CAPN3: variants seen among roughly 807,000 people sequenced by gnomAD.
The protein encoded by CAPN3 is calpain 3.
Under a neutral mutation model 114.0 loss-of-function variants are expected in CAPN3, and 88 were observed. The ratio of observed to expected loss-of-function variants is 0.77; its 90% CI spans 0.65 to 0.92. The LOEUF is 0.92. Ranked by LOEUF, CAPN3 falls within the 40% of genes least tolerant of loss-of-function variation. The pLI is 0.00. For synonymous variants in CAPN3, 386 were observed against 382.9 expected (o/e 1.01, Z -0.09); for missense variants, 1,028 against 1,069.0 (o/e 0.96, Z 0.53).
intron 1 of CAPN3, among the ~76,000 whole-genome samples, chr15:42,381,685 A>G (rs935316268): frequency 5.3e-5 from 8 of 152,212 alleles, no homozygotes; most frequent in African/African-American, 1.9e-4. Context: ...GACTACAGGC[A>G]TGAGCCACCA....
intron 9 of CAPN3, 97 bp from the exon 10 acceptor site, chr15:42,399,395 C>A: frequency 1.0e-6 from 1 of 982,788 alleles, no homozygotes. Context: ...TTCCTGTGAA[C>A]TATTTTATTA....
chr15:42,360,822 C>G (rs1379656467), intron 1 of CAPN3, among the ~76,000 whole-genome samples: 2 of 152,188 alleles, frequency 1.3e-5, no homozygotes, highest in East Asian at 3.9e-4. Flanking sequence ...TTACAGTGAT[C>G]GCCAGGAGGG....
intron 10 of CAPN3, among the ~76,000 whole-genome samples, 167 bp from the exon 11 acceptor site, chr15:42,401,474 C>CT (rs375008012): frequency 2.7e-4 from 5 of 18,752 alleles, no homozygotes; most frequent in Non-Finnish European, 4.5e-4. Flanking sequence ...AAAGGTAGCG[C>CT]CCCCCCCCCC....
At chr15:42,405,346 T>C (rs189276797) in intron 14 of CAPN3, among the ~76,000 whole-genome samples, 1 of 152,284 alleles carries the variant, frequency 6.6e-6, no homozygotes, top group African/African-American at 2.4e-5. Flanking sequence ...GTTTCACTCT[T>C]GTCACCCAGG....
In CAPN3 at chr15:42,390,016, C is replaced by A. The variant is rs528417986; in HGVS notation, c.865C>A (p.Arg289=). ...SGLNMGELIA[R]MVRNMDNSLL... is the part of the protein sequence containing the mutation. ...TCTGAACATGGGGGAGTTGATTGCA[C>A]GGATGGTAAGGAATATGGATAACTC... The change falls in exon 6 of 24, where the codon CGG becomes AGG. Residue 289 remains arginine (R), a synonymous_variant. Coordinates refer to ENST00000397163, the MANE Select transcript of CAPN3 (RefSeq NM_000070.3). The A allele has an allele frequency of 6.2e-7, 1 of 1,614,050 alleles. No individual in the cohort carries two copies. Among genetic ancestry groups the A allele is most frequent in the Non-Finnish European group, 8.5e-7 (1 of 1,179,974 alleles).
At chr15:42,366,408 C>T (rs374189002) in intron 1 of CAPN3, among the ~76,000 whole-genome samples, 2 of 152,178 alleles carry the variant, frequency 1.3e-5, no homozygotes, top group South Asian at 2.1e-4. Flanking sequence ...CCAACTTCTT[C>T]CTTGTGCCAG....
Position 42,409,924 on chromosome 15 carries a change from C to A in CAPN3, c.2051-7C>A, listed in dbSNP as rs780969056. 1 of 1,612,590 alleles carries A rather than the reference C, an allele frequency of 6.2e-7. No homozygotes were observed. The highest frequency in any genetic ancestry group is 8.5e-7 in the Non-Finnish European group (1 of 1,179,780). The stretch of plus-strand genomic sequence containing the variant: ...AAGCAGCTCCTCACTCTTCTCCATC[C>A]CCCCAGACAAGGACCTGAAGACACA... On this transcript the variant is annotated splice_region_variant and splice_polypyrimidine_tract_variant and intron_variant, in intron 18 of 23. Transcript: ENST00000397163.
chr15:42,402,183 G>T, intron 12 of CAPN3, 48 bp downstream of exon 12: 1 of 1,613,654 alleles, frequency 6.2e-7, no homozygotes, highest in Non-Finnish European at 8.5e-7. Context: ...CTACCCAGGG[G>T]GCCCCGAGTC....
At chr15:42,402,721 T>C in intron 12 of CAPN3, 73 bp from the exon 13 acceptor site, 1 of 1,584,998 alleles carries the variant, frequency 6.3e-7, no homozygotes, top group Admixed American at 1.7e-5. Context: ...AAGGGACCCT[T>C]GGAGGTGGCT....
intron 4 of CAPN3, 32 bp from the exon 5 acceptor site, chr15:42,388,896 G>C: frequency 6.2e-7 from 1 of 1,611,054 alleles, no homozygotes; most frequent in East Asian, 2.2e-5. Context: ...GGAACTCTGT[G>C]ACCCCAAATT....
At chr15:42,385,339 A>G (rs2053365081) in intron 2 of CAPN3, among the ~76,000 whole-genome samples, 1 of 152,064 alleles carries the variant, frequency 6.6e-6, no homozygotes. Flanking sequence ...GGGCATAATA[A>G]TCTGGGACCT....
chr15:42,408,826 C>A (rs2054105703), intron 16 of CAPN3: 1 of 281,506 alleles, frequency 3.6e-6, no homozygotes, highest in Non-Finnish European at 6.9e-6. Context: ...CCTCTTCTAT[C>A]CGGGGGCCCC....
At chr15:42,407,029 C>T (rs1272032858) in intron 15 of CAPN3, among the ~76,000 whole-genome samples, 1 of 152,178 alleles carries the variant, frequency 6.6e-6, no homozygotes, top group African/African-American at 2.4e-5. Context: ...CCGAGAGGCT[C>T]TGCCTGCCCA....
intron 3 of CAPN3, 106 bp downstream of exon 3, chr15:42,386,391 CCGCAG>C (rs1413259221): frequency 7.2e-6 from 6 of 831,214 alleles, no homozygotes; most frequent in Admixed American, 1.7e-5. Context: ...ACCCATCTAC[CCGCAG>C]CGGCAACAGT....
Position 42,408,266 on chromosome 15 carries a change from AG to A in CAPN3, c.1858del (p.Glu620SerfsTer42), listed in dbSNP as rs777106559. The A allele has an allele frequency of 6.2e-7, 1 of 1,613,954 alleles. No individual in the cohort carries two copies. Among genetic ancestry groups the A allele is most frequent in the Admixed American group, 1.7e-5 (1 of 60,002 alleles). ...AGCAACAAGGAGCTGGGTGTGGACC[AG>A]GAGTCAGAGGAGGGCAAAGGCAAAA... is the stretch of plus-strand genomic sequence containing the variant. ...ANSNKELGVD[Q>X]ESEEGKGKTS... On this transcript the variant is annotated frameshift_variant, in exon 16 of 24. Transcript: ENST00000397163. LOFTEE classifies it high-confidence loss of function.
intron 6 of CAPN3, among the ~76,000 whole-genome samples, chr15:42,391,625 C>CATGG (rs1201915877): frequency 6.6e-6 from 1 of 152,202 alleles, no homozygotes; most frequent in East Asian, 1.9e-4. Context: ...TTAGTAGGCA[C>CATGG]ATGGAAGCCA....
chr15:42,401,025 C>T (rs1213098512), intron 10 of CAPN3, among the ~76,000 whole-genome samples: 1 of 152,074 alleles, frequency 6.6e-6, no homozygotes, highest in South Asian at 2.1e-4. Context: ...GAAAACCCAT[C>T]TCTACTAAAG....
chr15:42,404,748 G>C, intron 14 of CAPN3: 1 of 1,145,518 alleles, frequency 8.7e-7, no homozygotes, highest in Non-Finnish European at 1.1e-6. Context: ...ATGCCCCTCT[G>C]AACTGTCTTC....
At chr15:42,394,426 AT>A in intron 8 of CAPN3, 85 bp downstream of exon 8, 2 of 1,036,194 alleles carry the variant, frequency 1.9e-6, no homozygotes, top group Non-Finnish European at 2.9e-6. Context: ...CCATGAGAGT[AT>A]TGAAGATGCT....
Sources: allele counts gnomAD v4.1 joint callset (sites outside exome capture counted in the v4.1 genomes callset), GRCh38; gene constraint gnomAD v4.1.1; transcripts MANE v1.5; gene names NCBI Gene and HGNC (gene_info 2026-07-23, HGNC 2026-07-21).